POLR2F: variants seen among roughly 807,000 people sequenced by gnomAD.
POLR2F encodes DNA-directed RNA polymerases I, II, and III subunit RPABC2.
Under a neutral mutation model 22.7 loss-of-function variants are expected in POLR2F, and 12 were observed. The ratio of observed to expected loss-of-function variants is 0.53; its 90% CI spans 0.34 to 0.86. The LOEUF is 0.86. Among genes scored for constraint, POLR2F ranks in the 40% least tolerant of loss-of-function variants. The pLI, the probability that POLR2F is intolerant of heterozygous loss-of-function variation, is 0.02. For missense variants in POLR2F, 126 were observed against 171.5 expected, an observed-to-expected ratio of 0.73 and a Z score of 1.48; for synonymous variants, 57 against 66.0, an observed-to-expected ratio of 0.86 and a Z score of 0.66.
At chr22:37,973,280 G>T, downstream of POLR2F, 5 of 554,404 alleles carry the variant, frequency 9.0e-6, no homozygotes, top group East Asian at 1.4e-4. Flanking sequence ...CTTCTCCTCT[G>T]TCCAGCCTGT....
At chr22:38,020,371 TCTC>T (rs2084950975) in intron 1 of POLR2F, among the ~76,000 whole-genome samples, 1 of 151,596 alleles carries the variant, frequency 6.6e-6, no homozygotes, top group African/African-American at 2.4e-5. Flanking sequence ...TTCAAGCAAT[TCTC>T]CTCCTTCAGC....
At chr22:37,971,899 A>C (rs1017206724), downstream of POLR2F, among the ~76,000 whole-genome samples, 1 of 151,818 alleles carries the variant, frequency 6.6e-6, no homozygotes, top group Admixed American at 6.6e-5. Flanking sequence ...GCCCCCCTGC[A>C]GTGTGGGGCA....
At chr22:37,992,695 G>A (rs890512471) in intron 1 of POLR2F, among the ~76,000 whole-genome samples, 3 of 152,060 alleles carry the variant, frequency 2.0e-5, no homozygotes, top group South Asian at 2.1e-4. Flanking sequence ...CACCGTGCCC[G>A]CCCCCCGGCT....
intron 1 of POLR2F, among the ~76,000 whole-genome samples, chr22:37,956,536 C>T (rs1042295061): frequency 4.0e-5 from 6 of 151,884 alleles, no homozygotes; most frequent in Admixed American, 6.6e-5. Context: ...TGTGACTCAG[C>T]CCCCCAAGTA....
chr22:37,999,332 G>A (rs553610481), intron 1 of POLR2F, among the ~76,000 whole-genome samples: 17 of 152,176 alleles, frequency 1.1e-4, no homozygotes, highest in Non-Finnish European at 2.1e-4. Context: ...GGCCGCCTGC[G>A]TGTGGGGATG....
chr22:38,010,602 G>GTTTT (rs1159353447), intron 1 of POLR2F, among the ~76,000 whole-genome samples: 5 of 60,890 alleles, frequency 8.2e-5, no homozygotes, highest in Admixed American at 1.7e-4. Flanking sequence ...AATTCCTTGT[G>GTTTT]TTTTTTTTTT....
downstream of POLR2F, chr22:38,041,263 AG>A: frequency 1.8e-6 from 2 of 1,141,884 alleles, no homozygotes; most frequent in Non-Finnish European, 1.3e-6. Context: ...GCACAGGGGG[AG>A]GGAGGTTTCC....
chr22:38,029,346 G>A (rs917431931), downstream of POLR2F, among the ~76,000 whole-genome samples: 3 of 152,182 alleles, frequency 2.0e-5, no homozygotes. Flanking sequence ...TTTCAAGTTA[G>A]TTCAACAAGC....
downstream of POLR2F, chr22:37,972,302 A>G: frequency 3.2e-6 from 4 of 1,235,086 alleles, no homozygotes; most frequent in Non-Finnish European, 3.2e-6. Flanking sequence ...GGTCAGGCTC[A>G]CCAAGCAGGT....
At chr22:38,024,643 A>T (rs779297945) in intron 1 of POLR2F, among the ~76,000 whole-genome samples, 2 of 152,154 alleles carry the variant, frequency 1.3e-5, no homozygotes, top group African/African-American at 2.4e-5. Context: ...TGCCCCAGGC[A>T]GACCAGGTCT....
Position 37,978,222 on chromosome 22 carries a change from A to C in POLR2F, c.293+11052A>C. On this transcript the variant is annotated intron_variant, in intron 4 of 4. Transcript: ENST00000405557. The surrounding 1 kb of genome is among the most constrained non-coding windows in gnomAD (Gnocchi z 5.0). ...CAGGTTGGCCTCCCTCTGAGTGTCC[A>C]TCTTGGAAGATGTGAGGCCCTGGGA... 7.3e-7 allele frequency: 1 copy of C among 1,377,766 alleles called. No homozygotes were observed. The highest frequency in any genetic ancestry group is 1.5e-5 in the South Asian group (1 of 66,498). The allele number at this position is 1,377,766 out of a possible 1,614,324, so 85.3% of individuals were successfully genotyped here. A position where few individuals can be genotyped will look rare whatever the true frequency, so the allele number is the denominator to read the frequency against.
rs565346600 is a variant in POLR2F, at chr22:37,986,228, C to T, written c.38C>T (p.Pro13Leu). Residue 13 changes from proline to leucine, a missense_variant, in exon 1 of 3, where the codon CCG becomes CTG. By Grantham distance (98) the Pro-to-Leu change is moderately conservative (BLOSUM62 -3). Transcript: ENST00000333418. This position sits in a 1 kb window ranked among gnomAD's most constrained non-coding sequence, Gnocchi z 4.7. Reference sequence around the variant, plus strand: ...AGAGGGACGAGGGACGAGCATCTGCCGTCGTGTCCCGGCTGCCCTGCAGTC... The same window carrying T: ...AGAGGGACGAGGGACGAGCATCTGCTGTCGTGTCCCGGCTGCCCTGCAGTC... 2.3e-4 allele frequency: 349 copies of T among 1,541,294 alleles called. No individual in the cohort carries two copies. Among genetic ancestry groups the T allele is most frequent in the Middle Eastern group, 5.0e-4 (3 of 5,966 alleles).
At chr22:38,020,206 T>TAC (rs112285508) in intron 1 of POLR2F, among the ~76,000 whole-genome samples, 8,719 of 144,418 alleles carry the variant, frequency 0.06, 301 homozygotes, top group African/African-American at 0.11. Flanking sequence ...CACACATATA[T>TAC]ACACACACAC....
chr22:38,027,703 C>T (rs377532998), downstream of POLR2F, among the ~76,000 whole-genome samples: 5 of 152,248 alleles, frequency 3.3e-5, no homozygotes, highest in African/African-American at 7.2e-5. Flanking sequence ...CCCCCGCCTC[C>T]GCCACCCCAG....
chr22:37,955,538 C>CA (rs34340640), intron 1 of POLR2F, among the ~76,000 whole-genome samples: 87,730 of 133,112 alleles, frequency 0.66, 27,608 homozygotes, highest in East Asian at 0.77. Flanking sequence ...GACTTTGTCT[C>CA]AAAAAAAAAA....
In POLR2F at chr22:37,996,380, A is replaced by G. The variant is rs2084714078; in HGVS notation, c.120+10068A>G. ...CCACCCTCCGCCCCCATCTCTGGCG[A>G]GAGAGCTCACAGCCCCAGGCCTTGG... On this transcript the variant is annotated intron_variant, in intron 1 of 2. Transcript: ENST00000333418. Among the ~76,000 whole-genome samples the G allele has an allele frequency of 2.0e-5, 3 of 152,314 alleles. 1 individual carries two copies. In the South Asian group the frequency reaches 6.2e-4, roughly 32 times the overall value.
intron 1 of POLR2F, among the ~76,000 whole-genome samples, chr22:38,005,155 T>A (rs927743623): frequency 6.6e-6 from 1 of 152,188 alleles, no homozygotes; most frequent in Admixed American, 6.5e-5. Context: ...TGCATGTCTT[T>A]TAGGTAGAAA....
chr22:37,957,532 G>A (rs77801248), intron 2 of POLR2F, among the ~76,000 whole-genome samples: 7,252 of 152,204 alleles, frequency 0.048, 292 homozygotes, highest in African/African-American at 0.1. Context: ...TTTCTGTCTT[G>A]TGTGACTGAT....
chr22:38,019,051 G>T (rs745384648), intron 1 of POLR2F, among the ~76,000 whole-genome samples: 17 of 152,094 alleles, frequency 1.1e-4, no homozygotes, highest in Non-Finnish European at 2.1e-4. Context: ...GGGAGGGGGT[G>T]GAAGAGGTTG....
Sources: allele counts gnomAD v4.1 joint callset (sites outside exome capture counted in the v4.1 genomes callset), GRCh38; gene constraint gnomAD v4.1.1; non-coding constraint Gnocchi (gnomAD v3.1); transcripts MANE v1.5; gene names NCBI Gene and HGNC (gene_info 2026-07-23, HGNC 2026-07-21).